SKP1: variants seen among roughly 807,000 people sequenced by gnomAD.
The protein encoded by SKP1 is S-phase kinase-associated protein 1.
In SKP1, 1 loss-of-function variant was observed where a neutral mutation model predicts 21.5. The ratio of observed to expected loss-of-function variants is 0.05; its 90% confidence interval spans 0.02 to 0.22. The LOEUF is 0.22. Among genes scored for constraint, SKP1 ranks in the 10% least tolerant of loss-of-function variants. The pLI is 1.00. For synonymous variants in SKP1, 59 were observed against 59.3 expected (o/e 0.99, Z 0.03); for missense variants, 70 against 192.0 (o/e 0.36, Z 3.76).
At chr5:134,174,110 C>T in intron 1 of SKP1, 88 bp from the exon 2 acceptor site, 1 of 799,928 alleles carries the variant, frequency 1.3e-6, no homozygotes, top group Non-Finnish European at 2.1e-6. Flanking sequence ...AAGGCTCTAA[C>T]TTATTGACCA....
chr5:134,164,758 T>A (rs1006646767), intron 3 of SKP1, among the ~76,000 whole-genome samples: 1 of 152,204 alleles, frequency 6.6e-6, no homozygotes, highest in Non-Finnish European at 1.5e-5. Context: ...AGCAAACTGG[T>A]AGAAACTTTT....
chr5:134,158,357 A>G, intron 5 of SKP1, 98 bp downstream of exon 5: 1 of 1,604,230 alleles, frequency 6.2e-7, no homozygotes, highest in East Asian at 2.2e-5. Flanking sequence ...CTAAAGTATC[A>G]AGACTACTTG....
At position 134,153,047 on chromosome 5, in the gene SKP1, A is replaced by C. The variant is rs1580922192; in HGVS notation, c.*4686T>G. On this transcript the variant is annotated 3_prime_UTR_variant, in exon 6 of 6. Coordinates refer to ENST00000353411, the MANE Select transcript of SKP1 (RefSeq NM_170679.3). ...ATCTTCTTATTCTTGACTTCTTCCT[A>C]GCTTAAAAAGTTATAGACTGGTTTC... 2 of 152,228 alleles carry C rather than the reference A, an allele frequency of 1.3e-5. No homozygotes were observed. The highest frequency in any genetic ancestry group is 4.1e-4 in the South Asian group (2 of 4,826). 9.4% of individuals were successfully genotyped at this position (152,228 alleles called of 1,614,324 possible).
rs927088728 is a variant in SKP1, at chr5:134,152,717, T to G, written c.*5016A>C. On this transcript the variant is annotated 3_prime_UTR_variant, in exon 6 of 6. Coordinates refer to ENST00000353411, the MANE Select transcript of SKP1 (RefSeq NM_170679.3). ...CCACCACGCCCAGCTAATTTTTGTA[T>G]TTTTAGTAGAGATGAGGTTTCACCA... The G allele has an allele frequency of 7.9e-5, 12 of 152,230 alleles. No homozygotes were observed. The highest frequency in any genetic ancestry group is 2.7e-4 in the African/African-American group (11 of 41,454). 9.4% of individuals were successfully genotyped at this position (152,230 alleles called of 1,614,324 possible). A position where few individuals can be genotyped will look rare whatever the true frequency, so the allele number is the denominator to read the frequency against.
intron 3 of SKP1, among the ~76,000 whole-genome samples, chr5:134,162,616 AC>A (rs1185348146): frequency 6.6e-5 from 10 of 151,044 alleles, no homozygotes; most frequent in Admixed American, 6.6e-4. Flanking sequence ...CGAACTCCTG[AC>A]CTCAGATGAT....
rs759750358 is a variant in SKP1, at chr5:134,173,966, T to G, written c.57A>C (p.Glu19Asp). 2.5e-5 allele frequency: 41 copies of G among 1,611,660 alleles called. No individual in the cohort carries two copies. Among genetic ancestry groups the G allele is most frequent in the Non-Finnish European group, 3.4e-5 (40 of 1,177,978 alleles). Residue 19 changes from glutamate (E) to aspartate (D), a missense_variant, in exon 2 of 6, where the codon GAA becomes GAC. Glu to Asp is a conservative substitution (Grantham distance 45). This residue lies in a region of SKP1 where 21 missense variants were observed against 23.4 expected (regional missense o/e 0.90). Coordinates refer to ENST00000353411, the MANE Select transcript of SKP1 (RefSeq NM_170679.3). The stretch of plus-strand genomic sequence containing the variant: ...TAATAGTCACAGATTGTTTGGCAAT[T>G]TCCACATCAACTTCAAATATCTCTC... ...SDGEIFEVDV[E>D]IAKQSVTIKT... is the part of the protein sequence containing the mutation.
In SKP1 at chr5:134,149,159, C is replaced by CCAAA. The variant is rs540934771; in HGVS notation, c.*8570_*8573dup. The CCAAA allele has an allele frequency of 6.6e-6, 1 of 152,092 alleles. No individual in the cohort carries two copies. Among genetic ancestry groups the CCAAA allele is most frequent in the African/African-American group, 2.4e-5 (1 of 41,378 alleles). The allele number at this position is 152,092 out of a possible 1,614,324, so 9.4% of individuals were successfully genotyped here. On this transcript the variant is annotated 3_prime_UTR_variant, in exon 6 of 6. Coordinates refer to ENST00000353411, the MANE Select transcript of SKP1 (RefSeq NM_170679.3). Reference sequence around the variant, plus strand: ...TCCGGGCTTTTAGTGTGCCTCTCACCCAAACAGTGTACTGTGCACGTAAGT... The same window carrying CCAAA: ...TCCGGGCTTTTAGTGTGCCTCTCACCCAAACAAACAGTGTACTGTGCACGTAAGT...
rs1761160793 is a variant in SKP1 at position 134,158,524 on chromosome 5, C to T, written c.387G>A (p.Gly129=). 1.2e-6 allele frequency: 2 copies of T among 1,613,746 alleles called. No homozygotes were observed. Among genetic ancestry groups the T allele is most frequent in the Non-Finnish European group, 1.7e-6 (2 of 1,179,768 alleles). Residue 129 remains glycine, a synonymous_variant, in exon 5 of 6, where the codon GGG becomes GGA. Transcript: ENST00000353411. ...TCTTGCGAATCTCCTCAGGAGTTTT[C>T]CCCTTGATCATATTGGCAACAGTCT... ...TCKTVANMIK[G]KTPEEIRKTF...
rs543762333 is a variant in SKP1, at chr5:134,156,141, TATA to T, written c.*1589_*1591del. On this transcript the variant is annotated 3_prime_UTR_variant, in exon 6 of 6. Transcript: ENST00000353411. ...ATAAGGTTTTTGCAGAAGTTGATCT[TATA>T]ATAGCAGGAATTGGTAGATGAGACA... 6.6e-6 allele frequency: 1 copy of T among 152,016 alleles called. No individual in the cohort carries two copies. Among genetic ancestry groups the T allele is most frequent in the Non-Finnish European group, 1.5e-5 (1 of 68,000 alleles). 9.4% of individuals were successfully genotyped at this position (152,016 alleles called of 1,614,324 possible).
rs181622081 is a variant in SKP1, at chr5:134,161,142, A to G, written c.172-12T>C. The G allele has an allele frequency of 3.7e-4, 590 of 1,585,232 alleles. 5 individuals carry two copies. In the East Asian group the frequency reaches 0.013, roughly 34 times the overall value. ...CACCACTGAATGACCTACAACAACA[A>G]AAGTTCATTCCTCTGTGGCACTTTG... On this transcript the variant is annotated splice_polypyrimidine_tract_variant and intron_variant, in intron 3 of 5. Transcript: ENST00000353411.
chr5:134,160,223 G>A (rs1445755774), intron 4 of SKP1, among the ~76,000 whole-genome samples: 1 of 151,878 alleles, frequency 6.6e-6, no homozygotes, highest in African/African-American at 2.4e-5. Context: ...TGAGCATGGT[G>A]GCTCATGCCT....
intron 3 of SKP1, among the ~76,000 whole-genome samples, chr5:134,166,612 T>TG (rs1057322642): frequency 3.4e-5 from 4 of 117,486 alleles, no homozygotes; most frequent in South Asian, 2.7e-4. Flanking sequence ...AAAAAGAATG[T>TG]GGGAAAAAAA....
At chr5:134,169,413 C>G (rs1241894475) in intron 2 of SKP1, among the ~76,000 whole-genome samples, 1 of 152,178 alleles carries the variant, frequency 6.6e-6, no homozygotes. Flanking sequence ...TTATGTCTTT[C>G]CTGAACAAGT....
At chr5:134,168,692 G>T (rs1202507860) in intron 2 of SKP1, among the ~76,000 whole-genome samples, 1 of 152,068 alleles carries the variant, frequency 6.6e-6, no homozygotes, top group Non-Finnish European at 1.5e-5. Context: ...GCATTTTGAA[G>T]GTACAGACAG....
intron 2 of SKP1, among the ~76,000 whole-genome samples, chr5:134,172,982 C>G (rs1216620908): frequency 7.0e-6 from 1 of 142,568 alleles, no homozygotes; most frequent in South Asian, 2.2e-4. Flanking sequence ...ACTTGCACAC[C>G]AGCCTGGGCA....
Position 134,157,482 on chromosome 5 carries a change from T to C in SKP1, c.*251A>G, listed in dbSNP as rs567215969. ...GAGGGAAAGCCCAAAATGCCACTTA[T>C]AGAGAACCCACAGTTCAGTTTTATT... On this transcript the variant is annotated 3_prime_UTR_variant, in exon 6 of 6. Transcript: ENST00000353411. 12 of 395,410 alleles carry C rather than the reference T, an allele frequency of 3.0e-5. No individual in the cohort carries two copies. The highest frequency in any genetic ancestry group is 8.2e-5 in the Admixed American group (2 of 24,414). The allele number at this position is 395,410 out of a possible 1,614,324, so 24.5% of individuals were successfully genotyped here.
At chr5:134,175,750 A>C (rs771643534) in intron 1 of SKP1, among the ~76,000 whole-genome samples, 1 of 152,214 alleles carries the variant, frequency 6.6e-6, no homozygotes, top group Non-Finnish European at 1.5e-5. Context: ...GTAATACTAA[A>C]CTCAAAGATA....
chr5:134,171,682 T>A (rs1035568638), intron 2 of SKP1, among the ~76,000 whole-genome samples: 2 of 152,212 alleles, frequency 1.3e-5, no homozygotes, highest in African/African-American at 4.8e-5. Flanking sequence ...TATTTTCACT[T>A]TCCCTAGCAC....
At chr5:134,158,308 G>A in intron 5 of SKP1, 147 bp downstream of exon 5, 1 of 1,536,666 alleles carries the variant, frequency 6.5e-7, no homozygotes. Context: ...AGACAGAACA[G>A]TAAGAGTATG....
Sources: allele counts gnomAD v4.1 joint callset (sites outside exome capture counted in the v4.1 genomes callset), GRCh38; gene constraint gnomAD v4.1.1; regional missense constraint gnomAD v4.1.1; transcripts MANE v1.5; gene names NCBI Gene and HGNC (gene_info 2026-07-23, HGNC 2026-07-21).